The following CSMD1 variants were observed in gnomAD, a reference collection of about 807,000 sequenced individuals.
CSMD1 encodes CUB and sushi domain-containing protein 1.
CSMD1 carries 213 observed loss-of-function variants against 417.5 expected under a neutral mutation model. The ratio of observed to expected loss-of-function variants is 0.51; its 90% CI spans 0.46 to 0.57. The LOEUF (loss-of-function observed/expected upper bound fraction) is 0.57, where lower values mean the gene tolerates loss of function less well. Ranked by LOEUF, CSMD1 falls within the 20% of genes least tolerant of loss-of-function variation. The probability of loss-of-function intolerance (pLI) is 0.00; values close to 1 mark genes in which losing one functional copy is unlikely to be tolerated. For missense variants in CSMD1, 6,923 were observed against 4,529.7 expected, an observed-to-expected ratio of 1.53 and a Z score of -15.17; for synonymous variants, 2,862 against 1,736.8, an observed-to-expected ratio of 1.65 and a Z score of -16.11.
At chr8:4,845,397 G>C (rs565803666) in intron 1 of CSMD1, among the ~76,000 whole-genome samples, 11 of 152,300 alleles carry the variant, frequency 7.2e-5, no homozygotes, top group African/African-American at 2.2e-4. Flanking sequence ...CTGTTTACAA[G>C]TGATATCCAT....
At chr8:3,156,183 T>G (rs1280706594) in intron 39 of CSMD1, among the ~76,000 whole-genome samples, 1 of 152,222 alleles carries the variant, frequency 6.6e-6, no homozygotes, top group East Asian at 1.9e-4. Flanking sequence ...GTTGACCACT[T>G]TCTCCTAAAA....
intron 5 of CSMD1, among the ~76,000 whole-genome samples, chr8:3,977,160 C>T (rs1014159870): frequency 2.0e-5 from 3 of 152,150 alleles, no homozygotes; most frequent in Non-Finnish European, 2.9e-5. Context: ...TTCTCAATCT[C>T]TTGGGCTGAA....
intron 45 of CSMD1, among the ~76,000 whole-genome samples, chr8:3,107,346 G>C (rs1368983102): frequency 6.6e-6 from 1 of 152,124 alleles, no homozygotes; most frequent in Non-Finnish European, 1.5e-5. Context: ...AAATGATTCA[G>C]ATTTTTCTCA....
At chr8:3,252,140 A>C (rs1403830847) in intron 26 of CSMD1, among the ~76,000 whole-genome samples, 14 of 152,216 alleles carry the variant, frequency 9.2e-5, no homozygotes, top group Admixed American at 5.9e-4. Flanking sequence ...GTCTTGTGAC[A>C]GTTTGCAAAG....
At chr8:3,543,396 G>A (rs972316496) in intron 10 of CSMD1, among the ~76,000 whole-genome samples, 25 of 152,158 alleles carry the variant, frequency 1.6e-4, no homozygotes, top group Non-Finnish European at 4.4e-5. Context: ...TCGTTTCTGT[G>A]TTGAGAACAG....
chr8:4,185,385 G>C (rs891791033), intron 3 of CSMD1, among the ~76,000 whole-genome samples: 1 of 151,960 alleles, frequency 6.6e-6, no homozygotes, highest in Non-Finnish European at 1.5e-5. Flanking sequence ...GGCTTTTAAA[G>C]TACCCAGAAT....
At chr8:3,584,301 G>A (rs1358663181) in intron 9 of CSMD1, among the ~76,000 whole-genome samples, 1 of 152,156 alleles carries the variant, frequency 6.6e-6, no homozygotes, top group African/African-American at 2.4e-5. Context: ...GCGATTACTA[G>A]TAACGTTCCA....
chr8:3,295,312 G>A (rs1312574930), intron 25 of CSMD1, among the ~76,000 whole-genome samples: 1 of 151,718 alleles, frequency 6.6e-6, no homozygotes, highest in Non-Finnish European at 1.5e-5. Context: ...TTTTTTAGTA[G>A]ACACGGGGTT....
At chr8:3,384,733 A>G (rs1407096478) in intron 18 of CSMD1, among the ~76,000 whole-genome samples, 3 of 123,626 alleles carry the variant, frequency 2.4e-5, no homozygotes, top group Non-Finnish European at 3.2e-5. Flanking sequence ...ATTTATATAT[A>G]TTATATAAAT....
intron 67 of CSMD1, 121 bp from the exon 68 acceptor site, chr8:2,949,507 A>C (rs1369249063): frequency 2.1e-6 from 1 of 477,710 alleles, no homozygotes; most frequent in African/African-American, 2.0e-5. Context: ...TACTGGTTAA[A>C]TGTTTTATTT....
At chr8:3,713,023 T>G (rs772108946) in intron 6 of CSMD1, among the ~76,000 whole-genome samples, 3 of 152,036 alleles carry the variant, frequency 2.0e-5, no homozygotes, top group Non-Finnish European at 2.9e-5. Flanking sequence ...AAGAAGTATG[T>G]GAGGTTAAAA....
intron 23 of CSMD1, among the ~76,000 whole-genome samples, chr8:3,338,914 C>G (rs963777107): frequency 5.3e-5 from 8 of 151,154 alleles, no homozygotes; most frequent in African/African-American, 1.9e-4. Flanking sequence ...ATACATGTGC[C>G]ATGCTGGTGC....
intron 3 of CSMD1, among the ~76,000 whole-genome samples, chr8:4,215,657 T>C (rs1481888107): frequency 6.6e-6 from 1 of 152,206 alleles, no homozygotes; most frequent in Non-Finnish European, 1.5e-5. Flanking sequence ...TGAAAATAAT[T>C]TTAAATGAGG....
chr8:4,448,831 G>C (rs1437072184), intron 2 of CSMD1, among the ~76,000 whole-genome samples: 2 of 152,090 alleles, frequency 1.3e-5, no homozygotes, highest in Non-Finnish European at 2.9e-5. Flanking sequence ...CAGGGTAAAA[G>C]GTAATTTCTC....
rs1798416995 is a variant in CSMD1, at chr8:3,225,056, A to T, written c.4346-1189T>A. ...ACATGCACTAAAAAATATGTAGAAA[A>T]GAAAATGTCTTAATTGCTGATTTTT... On this transcript the variant is annotated intron_variant, in intron 27 of 69. Transcript: ENST00000635120. Among the ~76,000 whole-genome samples the T allele has an allele frequency of 2.0e-5, 3 of 152,220 alleles. 1 individual carries two copies. In the South Asian group the frequency reaches 6.2e-4, roughly 32 times the overall value.
At position 4,905,736 on chromosome 8, in the gene CSMD1, C is replaced by G. The variant is rs577735402; in HGVS notation, c.85+88596G>C. Among the ~76,000 whole-genome samples, 246 of 144,844 alleles carry G rather than the reference C, an allele frequency of 1.7e-3. 5 individuals are homozygous for G. Among genetic ancestry groups the G allele is most frequent in the Admixed American group, 7.8e-3 (104 of 13,336 alleles). On this transcript the variant is annotated intron_variant, in intron 1 of 69. Coordinates refer to ENST00000635120, the MANE Select transcript of CSMD1 (RefSeq NM_033225.6). ...TCGGGAGGCTGAGGCAGGAGAATGG[C>G]GTGAAACCGGGAGGCGGAGCTTGCA...
intron 5 of CSMD1, among the ~76,000 whole-genome samples, chr8:3,855,516 T>G (rs551849988): frequency 1.3e-5 from 2 of 152,312 alleles, no homozygotes; most frequent in East Asian, 3.9e-4. Context: ...AACTTGTTTT[T>G]TAATCGCCAT....
intron 12 of CSMD1, among the ~76,000 whole-genome samples, chr8:3,433,260 C>A (rs1180147319): frequency 6.6e-6 from 1 of 152,114 alleles, no homozygotes; most frequent in Non-Finnish European, 1.5e-5. Context: ...CTTCAAAATT[C>A]TTCTAACTTA....
intron 23 of CSMD1, among the ~76,000 whole-genome samples, chr8:3,342,727 C>T (rs1026590208): frequency 2.0e-5 from 3 of 152,120 alleles, no homozygotes; most frequent in African/African-American, 7.2e-5. Flanking sequence ...TCAATCCTGG[C>T]TCCACCAACT....
Sources: gnomAD v4.1 joint callset for allele counts (sites outside exome capture counted in the v4.1 genomes callset) on GRCh38, gnomAD v4.1.1 for gene constraint, MANE v1.5 for transcripts, NCBI Gene and HGNC (gene_info 2026-07-23, HGNC 2026-07-21) for gene names.